Variants in ENAH observed in about 807,000 individuals in gnomAD.
ENAH encodes ENAH actin regulator.
In ENAH, 23 loss-of-function variants were observed where a neutral mutation model predicts 78.7. That is an observed-to-expected ratio of 0.29 (90% CI 0.21 to 0.41). ENAH has a LOEUF of 0.41. Ranked by LOEUF, ENAH falls within the 10% of genes least tolerant of loss-of-function variation. The pLI is 1.00. For missense variants in ENAH, 544 were observed against 691.0 expected, an observed-to-expected ratio of 0.79 and a Z score of 2.39; for synonymous variants, 226 against 241.0, an observed-to-expected ratio of 0.94 and a Z score of 0.58.
At chr1:225,510,597 A>G in intron 10 of ENAH, among the ~76,000 whole-genome samples, 1 of 151,994 alleles carries the variant, frequency 6.6e-6, no homozygotes, top group East Asian at 1.9e-4. Context: ...TGGTATAGCA[A>G]TCAACCTACT....
chr1:225,561,736 A>G (rs1033383890), intron 2 of ENAH, among the ~76,000 whole-genome samples: 2 of 152,166 alleles, frequency 1.3e-5, no homozygotes, highest in African/African-American at 2.4e-5. Flanking sequence ...TCATAATCCT[A>G]AATTCTGTGC....
intron 1 of ENAH, among the ~76,000 whole-genome samples, chr1:225,612,503 T>G (rs748962760): frequency 9.2e-5 from 14 of 152,208 alleles, no homozygotes; most frequent in Non-Finnish European, 1.6e-4. Context: ...TGGAAGTAGA[T>G]AGTGGCAATG....
intron 4 of ENAH, chr1:225,524,752 G>A (rs953386917): frequency 1.5e-6 from 1 of 687,076 alleles, no homozygotes; most frequent in Non-Finnish European, 1.8e-6. Context: ...GGTGATTTGC[G>A]AACTATTTAT....
At position 225,600,926 on chromosome 1, in the gene ENAH, A is replaced by T. The variant is rs192043357; in HGVS notation, c.6-33512T>A. On this transcript the variant is annotated intron_variant, in intron 1 of 13. Transcript: ENST00000366843. ...GAATATTAATTGGTAAAGCTATATGATGAGCAAAATAATTTTCTTTGTAAC... is the reference window on the plus strand; with the variant it reads ...GAATATTAATTGGTAAAGCTATATGTTGAGCAAAATAATTTTCTTTGTAAC... Among the ~76,000 whole-genome samples the T allele has an allele frequency of 7.4e-4, 113 of 152,322 alleles. 2 individuals carry two copies. The East Asian group carries it at 0.021, about 29-fold the overall frequency.
In ENAH at chr1:225,512,915, C is replaced by A. The variant is rs1327860918; in HGVS notation, c.1320G>T (p.Gly440=). 9 of 1,613,926 alleles carry A rather than the reference C, an allele frequency of 5.6e-6. No individual in the cohort carries two copies. The highest frequency in any genetic ancestry group is 7.6e-6 in the Non-Finnish European group (9 of 1,179,990). The change falls in exon 8 of 14, where the codon GGG becomes GGT. Residue 440 remains glycine, a synonymous_variant. Coordinates refer to ENST00000366843, the MANE Select transcript of ENAH (RefSeq NM_018212.6). ...TGRGNGPLPL[G]GSGLMEEMSA... ...TCATTTCTTCCATTAAACCACTACC[C>A]CCTAAAGGAAGGGGTCCATTTCCAC...
At chr1:225,597,674 A>C (rs899217787) in intron 1 of ENAH, among the ~76,000 whole-genome samples, 4 of 151,026 alleles carry the variant, frequency 2.6e-5, no homozygotes, top group African/African-American at 9.7e-5. Flanking sequence ...AAAAAAAAAA[A>C]AAGACGCTAA....
chr1:225,548,519 G>A (rs1224308838), intron 3 of ENAH, among the ~76,000 whole-genome samples: 1 of 152,162 alleles, frequency 6.6e-6, no homozygotes. Context: ...CCTCAAAGGC[G>A]TTTTTAAAAA....
chr1:225,521,824 C>G (rs2096470865), intron 4 of ENAH, among the ~76,000 whole-genome samples: 1 of 152,002 alleles, frequency 6.6e-6, no homozygotes, highest in Non-Finnish European at 1.5e-5. Flanking sequence ...GAGACAGAGT[C>G]TTGCTCTGTC....
intron 1 of ENAH, among the ~76,000 whole-genome samples, chr1:225,646,191 T>A (rs182206636): frequency 2.0e-5 from 3 of 152,124 alleles, no homozygotes; most frequent in Non-Finnish European, 2.9e-5. Flanking sequence ...GTAGTTATCT[T>A]CTGCTATAGA....
At chr1:225,511,769 A>T in intron 10 of ENAH, 42 bp downstream of exon 10, 2 of 1,433,148 alleles carry the variant, frequency 1.4e-6, no homozygotes, top group Non-Finnish European at 1.9e-6. Flanking sequence ...ATTAATATTT[A>T]GAGAAAGTTT....
At chr1:225,618,253 C>CA (rs1656159002) in intron 1 of ENAH, among the ~76,000 whole-genome samples, 1 of 152,146 alleles carries the variant, frequency 6.6e-6, no homozygotes, top group South Asian at 2.1e-4. Context: ...GCCTTACTAG[C>CA]AATCAACTTT....
chr1:225,600,787 C>T (rs896718237), intron 1 of ENAH, among the ~76,000 whole-genome samples: 6 of 151,872 alleles, frequency 4.0e-5, no homozygotes, highest in Admixed American at 3.3e-4. Context: ...GGGCTCAAAA[C>T]TGCAGTAAGC....
chr1:225,536,968 T>C (rs573122596), intron 3 of ENAH, among the ~76,000 whole-genome samples: 1 of 152,106 alleles, frequency 6.6e-6, no homozygotes, highest in Admixed American at 6.6e-5. Flanking sequence ...CCACAGGAGA[T>C]AAACAATTTA....
At chr1:225,516,679 GC>G (rs1348224172) in intron 6 of ENAH, among the ~76,000 whole-genome samples, 1 of 152,002 alleles carries the variant, frequency 6.6e-6, no homozygotes, top group African/African-American at 2.4e-5. Context: ...TTCAAGACCA[GC>G]CTGGCCAACA....
In ENAH at chr1:225,530,258, G is replaced by C. The variant is rs149259577; in HGVS notation, c.434+296C>G. Among the ~76,000 whole-genome samples, 3 of 152,178 alleles carry C rather than the reference G, an allele frequency of 2.0e-5. No homozygotes were observed. The East Asian group carries it at 5.8e-4, about 29-fold the overall frequency. The stretch of plus-strand genomic sequence containing the variant: ...GATCACTTTATAATTACAAAAGTAA[G>C]ACTTCTTGAACCATAAGAAGATTTT... On this transcript the variant is annotated intron_variant, in intron 4 of 13. Transcript: ENST00000366843.
chr1:225,566,418 C>A (rs978431384), intron 2 of ENAH, among the ~76,000 whole-genome samples: 4 of 152,104 alleles, frequency 2.6e-5, no homozygotes, highest in African/African-American at 9.7e-5. Context: ...ACCACACTAC[C>A]ACACAATGTA....
At chr1:225,547,130 G>A (rs1324247306) in intron 3 of ENAH, among the ~76,000 whole-genome samples, 2 of 151,474 alleles carry the variant, frequency 1.3e-5, no homozygotes, top group Non-Finnish European at 2.9e-5. Flanking sequence ...GGAGTGCAGT[G>A]GTGCAATCTC....
In ENAH at chr1:225,652,717, AC is replaced by A; in HGVS notation, c.-28del. On this transcript the variant is annotated 5_prime_UTR_variant, in exon 1 of 14. Coordinates refer to ENST00000366843, the MANE Select transcript of ENAH (RefSeq NM_018212.6). The stretch of plus-strand genomic sequence containing the variant: ...GTGCCGGCGGCGCAGAGGCTTCCCC[AC>A]CAGCCGGGAGACGCAGAAGGCGCCG... 1 of 1,315,210 alleles carries A rather than the reference AC, an allele frequency of 7.6e-7. No individual in the cohort carries two copies. The highest frequency in any genetic ancestry group is 9.7e-7 in the Non-Finnish European group (1 of 1,034,316). The allele number at this position is 1,315,210 out of a possible 1,614,324, so 81.5% of individuals were successfully genotyped here.
intron 13 of ENAH, 114 bp from the exon 14 acceptor site, chr1:225,497,926 A>G (rs1329922312): frequency 1.3e-6 from 1 of 792,288 alleles, no homozygotes; most frequent in Admixed American, 2.3e-5. Flanking sequence ...TAATAAGAAG[A>G]TTAACTTTGC....
Sources: gnomAD v4.1 joint callset for allele counts (sites outside exome capture counted in the v4.1 genomes callset) on GRCh38, gnomAD v4.1.1 for gene constraint, MANE v1.5 for transcripts, NCBI Gene and HGNC (gene_info 2026-07-23, HGNC 2026-07-21) for gene names.